ERN1: variants seen among roughly 807,000 people sequenced by gnomAD.
ERN1 encodes the protein serine/threonine-protein kinase/endoribonuclease IRE1.
Under a neutral mutation model 113.1 loss-of-function variants are expected in ERN1, and 39 were observed. The observed-to-expected ratio is 0.34, with a 90% CI of 0.27 to 0.45. The LOEUF (loss-of-function observed/expected upper bound fraction) is 0.45. Among genes scored for constraint, ERN1 ranks in the 20% least tolerant of loss-of-function variants. ERN1 has a pLI of 1.00. For missense variants in ERN1, 976 were observed against 1,274.8 expected, an observed-to-expected ratio of 0.77 and a Z score of 3.57; for synonymous variants, 507 against 515.9, an observed-to-expected ratio of 0.98 and a Z score of 0.23.
At chr17:64,085,234 A>G (rs1234468313) in intron 2 of ERN1, among the ~76,000 whole-genome samples, 2 of 152,140 alleles carry the variant, frequency 1.3e-5, no homozygotes, top group Non-Finnish European at 2.9e-5. Context: ...TAAAGAAAAG[A>G]GGTTTATTTG....
chr17:64,095,332 G>C (rs1489578704), intron 2 of ERN1, among the ~76,000 whole-genome samples: 1 of 152,126 alleles, frequency 6.6e-6, no homozygotes, highest in African/African-American at 2.4e-5. Flanking sequence ...AAGAGGCTGA[G>C]GCATGAGAAT....
chr17:64,044,260 G>A lies in ERN1; in HGVS notation c.2722-60C>T. 1 of 1,202,984 alleles carries A rather than the reference G, an allele frequency of 8.3e-7. No individual in the cohort carries two copies. The highest frequency in any genetic ancestry group is 1.5e-5 in the African/African-American group (1 of 65,148). The allele number at this position is 1,202,984 out of a possible 1,614,324, so 74.5% of individuals were successfully genotyped here. A position where few individuals can be genotyped will look rare whatever the true frequency, so the allele number is the denominator to read the frequency against. ...GGGGTTAGAAAGCTCGGGAAATGTT[G>A]GCAAAACACCCTTTCATCATGCAAG... is the stretch of plus-strand genomic sequence containing the variant. On this transcript the variant is annotated intron_variant, in intron 21 of 21. Coordinates refer to ENST00000433197, the MANE Select transcript of ERN1 (RefSeq NM_001433.5). This position sits in a 1 kb window ranked among gnomAD's most constrained non-coding sequence, Gnocchi z 4.1.
At chr17:64,045,879 CAG>C (rs1912498574) in intron 19 of ERN1, among the ~76,000 whole-genome samples, 1 of 152,164 alleles carries the variant, frequency 6.6e-6, no homozygotes, top group East Asian at 1.9e-4. Flanking sequence ...CTCACTGAAA[CAG>C]GGTATGCTCA....
intron 8 of ERN1, 83 bp from the exon 9 acceptor site, chr17:64,065,370 C>T: frequency 1.0e-6 from 1 of 1,004,700 alleles, no homozygotes; most frequent in East Asian, 2.6e-5. Flanking sequence ...CCCCAAATAC[C>T]ACCCGCAGGG....
chr17:64,054,415 C>T lies in ERN1; in HGVS notation c.1788G>A (p.Val596=), dbSNP rs1238164727. The change falls in exon 15 of 22, where the codon GTG becomes GTA. Residue 596 remains valine (V), a synonymous_variant. Coordinates refer to ENST00000433197, the MANE Select transcript of ERN1 (RefSeq NM_001433.5). This position sits in a 1 kb window ranked among gnomAD's most constrained non-coding sequence, Gnocchi z 4.9. ...ACTCGGGGAGGATCCTCTTCACGGC[C>T]ACGTCGCGGTTGTCAAACATGCCCC... ...VYRGMFDNRD[V]AVKRILPECF... is the part of the protein sequence containing the mutation. 4.4e-6 allele frequency: 7 copies of T among 1,573,790 alleles called. No homozygotes were observed. Among genetic ancestry groups the T allele is most frequent in the Non-Finnish European group, 5.2e-6 (6 of 1,159,684 alleles).
chr17:64,125,095 T>C (rs974371311), intron 1 of ERN1, among the ~76,000 whole-genome samples: 1 of 152,174 alleles, frequency 6.6e-6, no homozygotes, highest in Admixed American at 6.5e-5. Context: ...ACCCACCGAA[T>C]TGTACACTTT....
chr17:64,124,120 A>G (rs1393541653), intron 1 of ERN1, among the ~76,000 whole-genome samples: 1 of 152,234 alleles, frequency 6.6e-6, no homozygotes, highest in Admixed American at 6.5e-5. Context: ...AGGGTATAAG[A>G]GACACTGTAA....
At chr17:64,095,397 C>A (rs1045669082) in intron 2 of ERN1, among the ~76,000 whole-genome samples, 4 of 152,130 alleles carry the variant, frequency 2.6e-5, no homozygotes, top group African/African-American at 9.7e-5. Context: ...CCATTGCACT[C>A]CAGCCTGGGC....
At chr17:64,069,001 G>A (rs1199605146) in intron 6 of ERN1, among the ~76,000 whole-genome samples, 1 of 152,034 alleles carries the variant, frequency 6.6e-6, no homozygotes, top group Non-Finnish European at 1.5e-5. Flanking sequence ...AACTATAAAG[G>A]GTCCAGGACT....
chr17:64,118,944 GCTT>G (rs1914880395), intron 1 of ERN1, among the ~76,000 whole-genome samples: 2 of 152,124 alleles, frequency 1.3e-5, no homozygotes, highest in African/African-American at 4.8e-5. Context: ...TGGTTCACAA[GCTT>G]CTTCTTGTGC....
intron 9 of ERN1, 22 bp downstream of exon 9, chr17:64,065,187 G>A (rs772887434): frequency 5.7e-6 from 9 of 1,568,550 alleles, no homozygotes; most frequent in Admixed American, 5.4e-5. Context: ...AGGCAGCTGC[G>A]AGCCCTCCGT....
intron 6 of ERN1, among the ~76,000 whole-genome samples, chr17:64,071,201 G>C (rs576156885): frequency 1.3e-5 from 2 of 152,332 alleles, no homozygotes; most frequent in East Asian, 3.9e-4. Flanking sequence ...TGTGCCCCTA[G>C]AATGGGAGAG....
At chr17:64,119,242 ATTAG>A (rs1333007445) in intron 1 of ERN1, among the ~76,000 whole-genome samples, 2 of 152,108 alleles carry the variant, frequency 1.3e-5, no homozygotes, top group Non-Finnish European at 2.9e-5. Flanking sequence ...TATAAGGCCT[ATTAG>A]TTAAAGCTGA....
rs372700516 is a variant in ERN1 at position 64,064,096 on chromosome 17, A to G, written c.977T>C (p.Ile326Thr). The change falls in exon 10 of 22, where the codon ATT (isoleucine) becomes ACT (threonine). Residue 326 changes from isoleucine to threonine, a missense_variant. By Grantham distance (89) the Ile-to-Thr change is moderately conservative. Around this residue, in one of 5 missense-constraint regions of ERN1, gnomAD observed 459 missense variants for 581.2 expected, o/e 0.79. Coordinates refer to ENST00000433197, the MANE Select transcript of ERN1 (RefSeq NM_001433.5). ...GATCACACACTCCCCCTTGTCCCCA[A>G]TGGTGACGCCATCAGTCTGGGGCCC... is the stretch of plus-strand genomic sequence containing the variant. Reference protein sequence around the residue: ...LEGPQTDGVTIGDKGECVITP... With the variant: ...LEGPQTDGVTTGDKGECVITP... 9.3e-6 allele frequency: 15 copies of G among 1,611,712 alleles called. No homozygotes were observed. In the African/African-American group the frequency reaches 2.0e-4, roughly 21 times the overall value.
At position 64,044,947 on chromosome 17, in the gene ERN1, A is replaced by G. The variant is rs1490261925; in HGVS notation, c.2654-20T>C. On this transcript the variant is annotated intron_variant, in intron 20 of 21. Transcript: ENST00000433197. This position sits in a 1 kb window ranked among gnomAD's most constrained non-coding sequence, Gnocchi z 4.1. ...GCAGGTCTAGAAAAACATTGAGGGA[A>G]GCAATGGGTAATCAAATTTAAAACT... 6.5e-7 allele frequency: 1 copy of G among 1,528,492 alleles called. No homozygotes were observed. Among genetic ancestry groups the G allele is most frequent in the African/African-American group, 1.4e-5 (1 of 73,302 alleles). 94.7% of individuals were successfully genotyped at this position (1,528,492 alleles called of 1,614,324 possible).
chr17:64,065,354 T>A (rs1241156924), intron 8 of ERN1, 67 bp from the exon 9 acceptor site: 28 of 1,204,080 alleles, frequency 2.3e-5, no homozygotes, highest in Non-Finnish European at 3.3e-5. Context: ...AAGGGAGTAA[T>A]CATCACCCCA....
intron 17 of ERN1, among the ~76,000 whole-genome samples, chr17:64,052,294 C>T (rs183535419): frequency 2.0e-5 from 3 of 152,238 alleles, no homozygotes; most frequent in Admixed American, 6.5e-5. Flanking sequence ...AGTTTGCTCA[C>T]GCTAAGCAAG....
rs974378302 is a variant in ERN1 at position 64,063,323 on chromosome 17, G to A, written c.1087+663C>T. On this transcript the variant is annotated intron_variant, in intron 10 of 21. Coordinates refer to ENST00000433197, the MANE Select transcript of ERN1 (RefSeq NM_001433.5). The surrounding 1 kb of genome is among the most constrained non-coding windows in gnomAD (Gnocchi z 5.1). ...CAGGAACACAGCTCTTCTCACTTCC[G>A]CCTTCGTTTGTCACACTCACTGCCA... Among the ~76,000 whole-genome samples, 1 of 152,178 alleles carries A rather than the reference G, an allele frequency of 6.6e-6. No individual in the cohort carries two copies. The highest frequency in any genetic ancestry group is 2.4e-5 in the African/African-American group (1 of 41,438).
intron 19 of ERN1, among the ~76,000 whole-genome samples, chr17:64,046,035 A>G (rs1022140104): frequency 6.6e-6 from 1 of 152,166 alleles, no homozygotes; most frequent in African/African-American, 2.4e-5. Flanking sequence ...CTTGCTCTGC[A>G]TTTGACTTTG....
Sources: gnomAD v4.1 joint callset for allele counts (sites outside exome capture counted in the v4.1 genomes callset) on GRCh38, gnomAD v4.1.1 for gene constraint, gnomAD v4.1.1 regional missense constraint, Gnocchi (gnomAD v3.1) non-coding constraint, MANE v1.5 for transcripts, NCBI Gene and HGNC (gene_info 2026-07-23, HGNC 2026-07-21) for gene names.